The following FANCC variants were observed in gnomAD, a reference collection of about 807,000 sequenced individuals.
The protein encoded by FANCC is FA complementation group C.
In FANCC, 55 loss-of-function variants were observed where a neutral mutation model predicts 71.3. The ratio of observed to expected loss-of-function variants is 0.77; its 90% CI spans 0.62 to 0.97. FANCC has a LOEUF of 0.97. Among genes scored for constraint, FANCC ranks in the 50% least tolerant of loss-of-function variants. The pLI, the probability that FANCC is intolerant of heterozygous loss-of-function variation, is 0.00. For synonymous variants in FANCC, 275 were observed against 244.9 expected (o/e 1.12, Z -1.15); for missense variants, 678 against 670.9 (o/e 1.01, Z -0.12).
At chr9:95,238,506 C>T (rs1002698669) in intron 4 of FANCC, among the ~76,000 whole-genome samples, 4 of 152,096 alleles carry the variant, frequency 2.6e-5, no homozygotes, top group African/African-American at 7.2e-5. Context: ...CTTCCTTTTG[C>T]TGTTAGTCTC....
intron 1 of FANCC, among the ~76,000 whole-genome samples, chr9:95,251,934 T>C (rs1239200951): frequency 1.3e-5 from 2 of 152,042 alleles, no homozygotes; most frequent in African/African-American, 2.4e-5. Context: ...GAGCTATGAT[T>C]GTGGAATATG....
At chr9:95,185,660 T>C (rs1368134026) in intron 4 of FANCC, among the ~76,000 whole-genome samples, 1 of 152,250 alleles carries the variant, frequency 6.6e-6, no homozygotes, top group African/African-American at 2.4e-5. Flanking sequence ...GCAATTACCA[T>C]AGTTCCTTTT....
intron 4 of FANCC, among the ~76,000 whole-genome samples, chr9:95,194,220 A>C (rs1827278990): frequency 6.6e-6 from 1 of 152,128 alleles, no homozygotes; most frequent in Non-Finnish European, 1.5e-5. Context: ...TGCTTGAAGA[A>C]CAGTCTTAGT....
chr9:95,277,703 C>T (rs1416499464), intron 1 of FANCC, among the ~76,000 whole-genome samples: 1 of 152,016 alleles, frequency 6.6e-6, no homozygotes, highest in East Asian at 1.9e-4. Flanking sequence ...AAGGGAACCC[C>T]AATAAGATTA....
chr9:95,164,662 T>C (rs1440041828), intron 6 of FANCC, among the ~76,000 whole-genome samples: 1 of 152,174 alleles, frequency 6.6e-6, no homozygotes, highest in Non-Finnish European at 1.5e-5. Context: ...AGTCATGGTG[T>C]TTATACATAT....
chr9:95,157,344 T>C (rs1830507977), intron 6 of FANCC, among the ~76,000 whole-genome samples: 2 of 152,182 alleles, frequency 1.3e-5, no homozygotes, highest in African/African-American at 4.8e-5. Context: ...TAAATGGTGT[T>C]GTCATAGGGC....
intron 1 of FANCC, among the ~76,000 whole-genome samples, chr9:95,276,386 T>A (rs948621086): frequency 6.6e-6 from 1 of 152,228 alleles, no homozygotes; most frequent in Admixed American, 6.5e-5. Context: ...AACCCTTTCC[T>A]CTAAATAACA....
Position 95,245,352 on chromosome 9 carries a change from T to C in FANCC, c.250+2080A>G, listed in dbSNP as rs376100581. ...TGGACTGCACAGAATAATAATACAA[T>C]AGTCCCTCTTTATCAATGGCGGAAA... On this transcript the variant is annotated intron_variant, in intron 3 of 14. Coordinates refer to ENST00000289081, the MANE Select transcript of FANCC (RefSeq NM_000136.3). 5.5e-4 allele frequency among the ~76,000 whole-genome samples: 83 copies of C among 152,054 alleles called. 2 individuals are homozygous for C. The South Asian group carries it at 0.016, about 30-fold the overall frequency.
At chr9:95,296,001 C>T (rs1042261649) in intron 1 of FANCC, among the ~76,000 whole-genome samples, 4 of 152,010 alleles carry the variant, frequency 2.6e-5, no homozygotes, top group Non-Finnish European at 5.9e-5. Context: ...AAAATAATAA[C>T]AAAACAGGCA....
chr9:95,168,925 T>C (rs367595048), intron 6 of FANCC, among the ~76,000 whole-genome samples: 8 of 152,196 alleles, frequency 5.3e-5, no homozygotes, highest in East Asian at 3.8e-4. Flanking sequence ...AGGGTATCCA[T>C]AATATATACA....
chr9:95,170,835 T>G (rs1449045065), intron 6 of FANCC, among the ~76,000 whole-genome samples: 1 of 152,134 alleles, frequency 6.6e-6, no homozygotes, highest in African/African-American at 2.4e-5. Flanking sequence ...GCTTTCTACC[T>G]AATGGGCCCA....
intron 4 of FANCC, among the ~76,000 whole-genome samples, chr9:95,203,560 G>A (rs1454497643): frequency 6.6e-6 from 1 of 151,928 alleles, no homozygotes; most frequent in Non-Finnish European, 1.5e-5. Context: ...CAGTTCTTAA[G>A]TTTTCTGGTC....
In FANCC at chr9:95,150,739, TC is replaced by T. The variant is rs905692028; in HGVS notation, c.522-653del. Reference sequence around the variant, plus strand: ...AGCCAGCAAGTCCTTCCATGGTGGGTCCCCATCTGTTTCACTGACTTAATCT... The same window carrying T: ...AGCCAGCAAGTCCTTCCATGGTGGGTCCCATCTGTTTCACTGACTTAATCT... On this transcript the variant is annotated intron_variant, in intron 6 of 14. Coordinates refer to ENST00000289081, the MANE Select transcript of FANCC (RefSeq NM_000136.3). Among the ~76,000 whole-genome samples the T allele has an allele frequency of 9.8e-4, 149 of 152,254 alleles. 2 individuals are homozygous for T. Among genetic ancestry groups the T allele is most frequent in the African/African-American group, 3.5e-3 (146 of 41,550 alleles).
intron 11 of FANCC, 25 bp from the exon 12 acceptor site, chr9:95,114,735 G>C (rs1391350123): frequency 6.3e-7 from 1 of 1,598,538 alleles, no homozygotes. Flanking sequence ...AGATACGTCA[G>C]AGGGCAACTG....
intron 4 of FANCC, among the ~76,000 whole-genome samples, chr9:95,194,382 G>GC (rs937776392): frequency 6.6e-6 from 1 of 152,130 alleles, no homozygotes; most frequent in African/African-American, 2.4e-5. Flanking sequence ...AAGTCAACAA[G>GC]CAGCCTGTCA....
intron 1 of FANCC, among the ~76,000 whole-genome samples, chr9:95,302,572 T>C (rs1173227197): frequency 1.3e-5 from 2 of 152,368 alleles, no homozygotes; most frequent in East Asian, 1.9e-4. Context: ...AATTCCAGAA[T>C]GTAGGCCGCT....
At chr9:95,111,420 C>T in intron 13 of FANCC, 43 bp downstream of exon 13, 14 of 1,601,742 alleles carry the variant, frequency 8.7e-6, no homozygotes, top group Non-Finnish European at 1.2e-5. Flanking sequence ...TCTCAGCCCC[C>T]CAGAGCCCAC....
intron 14 of FANCC, among the ~76,000 whole-genome samples, chr9:95,106,676 T>C (rs926545927): frequency 2.6e-5 from 4 of 152,222 alleles, no homozygotes; most frequent in Non-Finnish European, 5.9e-5. Flanking sequence ...ACTGTTGCAG[T>C]GAATAGCATT....
At chr9:95,156,294 C>A (rs1463629051) in intron 6 of FANCC, among the ~76,000 whole-genome samples, 1 of 152,152 alleles carries the variant, frequency 6.6e-6, no homozygotes, top group African/African-American at 2.4e-5. Context: ...CAAAGCAAAG[C>A]TATGATACAA....
Sources: allele counts gnomAD v4.1 joint callset (sites outside exome capture counted in the v4.1 genomes callset), GRCh38; gene constraint gnomAD v4.1.1; transcripts MANE v1.5; gene names NCBI Gene and HGNC (gene_info 2026-07-23, HGNC 2026-07-21).